The following LRRC7 variants were observed in gnomAD, a reference collection of about 807,000 sequenced individuals.
LRRC7 encodes leucine-rich repeat-containing protein 7.
A neutral mutation model predicts 175.7 loss-of-function variants in LRRC7; 23 were observed. The observed-to-expected ratio is 0.13, with a 90% CI of 0.09 to 0.19. LRRC7 has a LOEUF of 0.19. LRRC7 is among the 10% of genes least tolerant of loss of function. LRRC7 has a pLI of 1.00. For synonymous variants in LRRC7, 685 were observed against 680.9 expected (o/e 1.01, Z -0.09); for missense variants, 1,354 against 1,904.7 (o/e 0.71, Z 5.38).
intron 1 of LRRC7, among the ~76,000 whole-genome samples, chr1:69,630,252 C>A (rs1238616353): frequency 1.3e-5 from 2 of 152,116 alleles, no homozygotes; most frequent in African/African-American, 4.8e-5. Flanking sequence ...CTCTGCTATC[C>A]ACTGCAAACA....
At chr1:69,722,734 T>C (rs754944405) in intron 2 of LRRC7, among the ~76,000 whole-genome samples, 1 of 152,110 alleles carries the variant, frequency 6.6e-6, no homozygotes, top group African/African-American at 2.4e-5. Context: ...TTGTTTCATA[T>C]GTGTATTAGT....
rs77631692 is a variant in LRRC7, at chr1:69,870,860, A to G, written c.647+32577A>G. ...ATTAAGCCTTTTGAAACACTTTAACATATCAACAAAATATTTGAAAATGTT... is the reference window on the plus strand; with the variant it reads ...ATTAAGCCTTTTGAAACACTTTAACGTATCAACAAAATATTTGAAAATGTT... On this transcript the variant is annotated intron_variant, in intron 7 of 26. Transcript: ENST00000651989. Among the ~76,000 whole-genome samples, 600 of 152,246 alleles carry G rather than the reference A, an allele frequency of 3.9e-3. 3 individuals are homozygous for G. The highest frequency in any genetic ancestry group is 0.013 in the African/African-American group (556 of 41,558).
chr1:69,730,261 T>A (rs1667423362), intron 2 of LRRC7, among the ~76,000 whole-genome samples: 1 of 152,216 alleles, frequency 6.6e-6, no homozygotes, highest in African/African-American at 2.4e-5. Context: ...TCTGGTTACT[T>A]ATGTAAATTT....
At chr1:69,635,554 TTTAA>T in intron 1 of LRRC7, among the ~76,000 whole-genome samples, 1 of 152,150 alleles carries the variant, frequency 6.6e-6, no homozygotes, top group East Asian at 1.9e-4. Context: ...AAAAAGATTT[TTTAA>T]TTGTTTATCC....
intron 1 of LRRC7, among the ~76,000 whole-genome samples, chr1:69,647,276 C>G (rs964129880): frequency 3.3e-5 from 5 of 152,134 alleles, no homozygotes; most frequent in Admixed American, 2.6e-4. Flanking sequence ...ACTTTCCTAC[C>G]AGATTTAACT....
chr1:69,919,433 A>G, intron 7 of LRRC7: 2 of 938,176 alleles, frequency 2.1e-6, no homozygotes, highest in Non-Finnish European at 3.3e-6. Context: ...TACTACTTCA[A>G]CCACATCACT....
chr1:70,118,674 C>T (rs1004198452), intron 26 of LRRC7, among the ~76,000 whole-genome samples: 1 of 152,098 alleles, frequency 6.6e-6, no homozygotes, highest in Non-Finnish European at 1.5e-5. Flanking sequence ...TTAGCCCTTT[C>T]CCTGGTTGTA....
At position 69,743,589 on chromosome 1, in the gene LRRC7, G is replaced by A. The variant is rs563728233; in HGVS notation, c.101-16602G>A. Among the ~76,000 whole-genome samples the A allele has an allele frequency of 2.8e-3, 420 of 152,002 alleles. 1 individual carries two copies. The highest frequency in any genetic ancestry group is 4.8e-3 in the Non-Finnish European group (328 of 67,902). On this transcript the variant is annotated intron_variant, in intron 2 of 26. Coordinates refer to ENST00000651989, the MANE Select transcript of LRRC7 (RefSeq NM_001370785.2). ...AAAGGAGGAGCCACATTTAAAAATCGGACTTATTTGTGACATTGAAAGTGG... is the reference window on the plus strand; with the variant it reads ...AAAGGAGGAGCCACATTTAAAAATCAGACTTATTTGTGACATTGAAAGTGG...
intron 2 of LRRC7, among the ~76,000 whole-genome samples, chr1:69,717,787 A>G (rs1340619486): frequency 6.1e-4 from 17 of 27,866 alleles, no homozygotes; most frequent in Admixed American, 1.8e-3. Context: ...AGAAAGAAAG[A>G]AAGAAAGAAA....
intron 23 of LRRC7, among the ~76,000 whole-genome samples, chr1:70,066,317 T>C (rs962304957): frequency 2.0e-5 from 3 of 152,010 alleles, no homozygotes; most frequent in Non-Finnish European, 4.4e-5. Flanking sequence ...ATTGCATAAC[T>C]AAAAAGTGAC....
At chr1:69,746,029 C>A (rs913274635) in intron 2 of LRRC7, among the ~76,000 whole-genome samples, 3 of 151,472 alleles carry the variant, frequency 2.0e-5, no homozygotes, top group African/African-American at 7.3e-5. Context: ...TGTACAAATA[C>A]TCATTAGTAA....
intron 3 of LRRC7, among the ~76,000 whole-genome samples, chr1:69,774,987 G>C (rs1672655578): frequency 6.6e-6 from 1 of 152,068 alleles, no homozygotes; most frequent in South Asian, 2.1e-4. Flanking sequence ...GGGATGTGAA[G>C]AAGAGGAAAA....
At chr1:70,015,211 T>C (rs961893164) in intron 13 of LRRC7, among the ~76,000 whole-genome samples, 10 of 152,076 alleles carry the variant, frequency 6.6e-5, no homozygotes, top group African/African-American at 2.4e-4. Context: ...TATTCATGTT[T>C]ATATTTTATA....
chr1:69,639,065 T>C (rs1294996458), intron 1 of LRRC7, among the ~76,000 whole-genome samples: 1 of 151,784 alleles, frequency 6.6e-6, no homozygotes, highest in Non-Finnish European at 1.5e-5. Flanking sequence ...TCTAAAATTT[T>C]CTATTTTTTT....
At chr1:69,955,777 T>C (rs1350751551) in intron 8 of LRRC7, among the ~76,000 whole-genome samples, 1 of 151,978 alleles carries the variant, frequency 6.6e-6, no homozygotes, top group Non-Finnish European at 1.5e-5. Flanking sequence ...CAATTGAGCA[T>C]GTAATTCCAA....
chr1:69,851,616 C>A (rs1185277614), intron 7 of LRRC7, among the ~76,000 whole-genome samples: 1 of 151,958 alleles, frequency 6.6e-6, no homozygotes, highest in Non-Finnish European at 1.5e-5. Context: ...CTTTGATGTT[C>A]TCTATAAAGC....
At position 69,827,625 on chromosome 1, in the gene LRRC7, C is replaced by T. The variant is rs763436037; in HGVS notation, c.500+1799C>T. Among the ~76,000 whole-genome samples, 6 of 152,138 alleles carry T rather than the reference C, an allele frequency of 3.9e-5. No homozygotes were observed. The East Asian group carries it at 5.8e-4, about 15-fold the overall frequency. Reference sequence around the variant, plus strand: ...AACACTTAGGCCAAAGCAGGAGGATCGCATGAGTTTAAGATTGGCCCTGGC... The same window carrying T: ...AACACTTAGGCCAAAGCAGGAGGATTGCATGAGTTTAAGATTGGCCCTGGC... On this transcript the variant is annotated intron_variant, in intron 5 of 26. Transcript: ENST00000651989.
intron 8 of LRRC7, among the ~76,000 whole-genome samples, chr1:69,932,462 A>T (rs1647484074): frequency 1.3e-5 from 2 of 152,132 alleles, no homozygotes; most frequent in South Asian, 4.1e-4. Context: ...TATGTACAGG[A>T]CCTAGCAAAA....
At chr1:70,053,822 A>C (rs1220289601) in intron 23 of LRRC7, among the ~76,000 whole-genome samples, 1 of 152,194 alleles carries the variant, frequency 6.6e-6, no homozygotes, top group Non-Finnish European at 1.5e-5. Context: ...TAATGAAGAC[A>C]TACAACACAG....
Sources: allele counts gnomAD v4.1 joint callset (sites outside exome capture counted in the v4.1 genomes callset), GRCh38; gene constraint gnomAD v4.1.1; transcripts MANE v1.5; gene names NCBI Gene and HGNC (gene_info 2026-07-23, HGNC 2026-07-21).